The following TEX11 variants were observed in gnomAD, a reference collection of about 807,000 sequenced individuals.
TEX11 encodes the protein testis expressed 11.
Under a neutral mutation model 84.4 loss-of-function variants are expected in TEX11, and 7 were observed. The observed-to-expected ratio is 0.08, with a 90% CI of 0.05 to 0.16. The LOEUF is 0.16. Ranked by LOEUF, TEX11 falls within the 10% of genes least tolerant of loss-of-function variation. TEX11 has a pLI of 1.00. For missense variants in TEX11, 551 were observed against 660.5 expected (o/e 0.83, Z 1.82); for synonymous variants, 264 against 222.8 (o/e 1.18, Z -1.64).
chrX:70,827,481 C>A (rs922255536), intron 8 of TEX11, among the ~76,000 whole-genome samples: 1 of 111,638 alleles, frequency 9.0e-6, no homozygotes, highest in African/African-American at 3.3e-5. Flanking sequence ...CAGTATTTCT[C>A]GTCCTGGGCC....
chrX:70,703,690 T>C (rs997858014), intron 13 of TEX11, among the ~76,000 whole-genome samples: 1 of 112,033 alleles, frequency 8.9e-6, no homozygotes, highest in African/African-American at 3.2e-5. Flanking sequence ...AGATAGGTGA[T>C]CTACTACAGC....
chrX:70,832,177 T>C (rs1209236239), intron 8 of TEX11, among the ~76,000 whole-genome samples: 1 of 111,596 alleles, frequency 9.0e-6, no homozygotes, highest in Non-Finnish European at 1.9e-5. Context: ...CCTGTTCTAA[T>C]CATGAGGAAA....
chrX:70,730,941 A>G (rs1366037281), intron 11 of TEX11, among the ~76,000 whole-genome samples: 7 of 112,337 alleles, frequency 6.2e-5, no homozygotes, highest in African/African-American at 2.3e-4. Flanking sequence ...AACAGAAATT[A>G]TAACAAACAG....
At chrX:70,683,980 C>A (rs113337765) in intron 13 of TEX11, among the ~76,000 whole-genome samples, 6,162 of 109,899 alleles carry the variant, frequency 0.056, 359 homozygotes, top group African/African-American at 0.17. Flanking sequence ...GCAAATGGTG[C>A]TAGGAAAACG....
intron 16 of TEX11, among the ~76,000 whole-genome samples, chrX:70,662,515 T>C (rs938735951): frequency 1.8e-5 from 2 of 110,388 alleles, no homozygotes; most frequent in African/African-American, 6.6e-5. Flanking sequence ...ATACAGAGAA[T>C]GCCACAAAGA....
chrX:70,641,864 A>G (rs1224049908), intron 17 of TEX11, among the ~76,000 whole-genome samples: 8 of 111,358 alleles, frequency 7.2e-5, no homozygotes, highest in South Asian at 3.8e-4. Context: ...AAGAACTAGA[A>G]AAGCAAGAGC....
At chrX:70,645,939 A>C (rs780719916) in intron 17 of TEX11, among the ~76,000 whole-genome samples, 9 of 111,533 alleles carry the variant, frequency 8.1e-5, no homozygotes, top group Non-Finnish European at 1.5e-4. Flanking sequence ...TTTCCACGGA[A>C]GCAAAAAGAC....
chrX:70,717,874 A>G (rs140727372), intron 13 of TEX11, among the ~76,000 whole-genome samples: 1,513 of 112,398 alleles, frequency 0.013, 21 homozygotes, highest in African/African-American at 0.047. Flanking sequence ...GTATAAGCAC[A>G]TTAACAAATA....
At chrX:70,777,585 G>T (rs186058774) in intron 9 of TEX11, among the ~76,000 whole-genome samples, 32 of 112,050 alleles carry the variant, frequency 2.9e-4, no homozygotes, top group Admixed American at 2.4e-3. Flanking sequence ...GGAGGCAGAC[G>T]TTGCGGTGAG....
chrX:70,577,186 T>A (rs1372866998), intron 25 of TEX11, among the ~76,000 whole-genome samples: 1 of 111,127 alleles, frequency 9.0e-6, no homozygotes, highest in Non-Finnish European at 1.9e-5. Context: ...CAATTAAAGA[T>A]GTTATCAAGC....
chrX:70,844,175 G>C (rs188541118), intron 7 of TEX11, among the ~76,000 whole-genome samples: 1 of 109,878 alleles, frequency 9.1e-6, no homozygotes, highest in East Asian at 2.9e-4. Flanking sequence ...TGTTTATAGC[G>C]GCACTATTCA....
chrX:70,609,037 T>C, intron 22 of TEX11, 54 bp downstream of exon 22: 1 of 967,148 alleles, frequency 1.0e-6, no homozygotes, highest in African/African-American at 1.9e-5. Flanking sequence ...AAATCACATC[T>C]GTCTAATTCC....
chrX:70,648,933 G>A (rs1168608029), intron 17 of TEX11, among the ~76,000 whole-genome samples: 1 of 107,745 alleles, frequency 9.3e-6, no homozygotes, highest in African/African-American at 3.4e-5. Context: ...TGTTCTCATT[G>A]TTCATCTCCC....
intron 28 of TEX11, among the ~76,000 whole-genome samples, chrX:70,544,502 G>A (rs918929975): frequency 9.0e-6 from 1 of 111,345 alleles, no homozygotes; most frequent in African/African-American, 3.3e-5. Context: ...ACTCCAGCCT[G>A]GGTGACAGAG....
rs1258514562 is a variant in TEX11, at chrX:70,601,555, T to TTTTA, written c.2067+3845_2067+3846insTAAA. ...CATTCTTTTTTTTTTTTTTTTTTTT[T>TTTTA]ATTGATCATTCTTGGGTGTTTCTCG... is the stretch of plus-strand genomic sequence containing the variant. On this transcript the variant is annotated intron_variant, in intron 24 of 29. Transcript: ENST00000374333. 2.7e-3 allele frequency among the ~76,000 whole-genome samples: 263 copies of TTTTA among 97,355 alleles called. 1 individual carries two copies. Among genetic ancestry groups the TTTTA allele is most frequent in the African/African-American group, 9.7e-3 (257 of 26,570 alleles). The allele number at this position is 97,355 out of a possible 115,157, so 84.5% of individuals were successfully genotyped here.
chrX:70,668,521 A>G (rs1227318351), intron 16 of TEX11, among the ~76,000 whole-genome samples: 4 of 112,543 alleles, frequency 3.6e-5, no homozygotes, highest in Non-Finnish European at 7.5e-5. Flanking sequence ...AACAGTAACC[A>G]ACAAAGTTAC....
chrX:70,571,641 G>C (rs1051882813), intron 25 of TEX11, among the ~76,000 whole-genome samples: 4 of 111,661 alleles, frequency 3.6e-5, no homozygotes, highest in African/African-American at 1.3e-4. Flanking sequence ...AACAGTGGGG[G>C]TTTCCTAATC....
At chrX:70,587,591 C>A (rs939520789) in intron 25 of TEX11, among the ~76,000 whole-genome samples, 2 of 112,313 alleles carry the variant, frequency 1.8e-5, no homozygotes, top group Admixed American at 1.9e-4. Flanking sequence ...AATGGGTGTC[C>A]GTGGAGAAGT....
intron 9 of TEX11, among the ~76,000 whole-genome samples, chrX:70,758,669 A>G (rs1229865931): frequency 8.9e-6 from 1 of 112,299 alleles, no homozygotes; most frequent in Non-Finnish European, 1.9e-5. Flanking sequence ...AAAAGCAAGA[A>G]AGATCTAAAA....
Sources: gnomAD v4.1 joint callset for allele counts (sites outside exome capture counted in the v4.1 genomes callset) on GRCh38, gnomAD v4.1.1 for gene constraint, MANE v1.5 for transcripts, NCBI Gene and HGNC (gene_info 2026-07-23, HGNC 2026-07-21) for gene names.